SAV1: variants seen among roughly 807,000 people sequenced by gnomAD.
The protein encoded by SAV1 is protein salvador homolog 1.
A neutral mutation model predicts 47.3 loss-of-function variants in SAV1; 23 were observed. That is an observed-to-expected ratio of 0.49 (90% CI 0.35 to 0.69). SAV1 has a LOEUF of 0.69. Among genes scored for constraint, SAV1 ranks in the 30% least tolerant of loss-of-function variants. The pLI, the probability that SAV1 is intolerant of heterozygous loss-of-function variation, is 0.01. For synonymous variants in SAV1, 155 were observed against 159.2 expected (o/e 0.97, Z 0.20); for missense variants, 448 against 457.4 (o/e 0.98, Z 0.19).
chr14:50,636,832 C>T (rs950168318), intron 4 of SAV1, among the ~76,000 whole-genome samples: 5 of 152,122 alleles, frequency 3.3e-5, no homozygotes, highest in Non-Finnish European at 2.9e-5. Flanking sequence ...ATTAGGGAAA[C>T]GCATGTTATA....
intron 2 of SAV1, among the ~76,000 whole-genome samples, chr14:50,656,173 T>C (rs1203016944): frequency 1.3e-5 from 2 of 152,216 alleles, no homozygotes; most frequent in East Asian, 3.8e-4. Context: ...CATGTACTCT[T>C]ACATTTAAAC....
At chr14:50,667,547 G>T (rs1233152537) in intron 1 of SAV1, 1 of 488,832 alleles carries the variant, frequency 2.0e-6, no homozygotes, top group Admixed American at 2.4e-5. Flanking sequence ...TACTCCTATA[G>T]CATTAGGTGA....
intron 3 of SAV1, among the ~76,000 whole-genome samples, chr14:50,643,479 G>A (rs779638322): frequency 6.6e-6 from 1 of 152,132 alleles, no homozygotes; most frequent in Non-Finnish European, 1.5e-5. Flanking sequence ...CTCACTACCA[G>A]AACAACATGG....
At chr14:50,661,083 G>C (rs2039856111) in intron 2 of SAV1, among the ~76,000 whole-genome samples, 1 of 152,108 alleles carries the variant, frequency 6.6e-6, no homozygotes, top group South Asian at 2.1e-4. Flanking sequence ...CCCACCAACA[G>C]TCTGTAACAG....
chr14:50,667,724 C>A (rs538719299), intron 1 of SAV1, 150 bp downstream of exon 1: 4 of 628,202 alleles, frequency 6.4e-6, no homozygotes, highest in Middle Eastern at 2.6e-4. Context: ...TCAACGAATA[C>A]CACTTCAGAC....
chr14:50,645,409 T>G (rs1229645876), intron 2 of SAV1, among the ~76,000 whole-genome samples: 1 of 152,142 alleles, frequency 6.6e-6, no homozygotes, highest in African/African-American at 2.4e-5. Context: ...TAGTCAAAAT[T>G]CAGTCAAAAC....
At chr14:50,657,911 T>C (rs1446282744) in intron 2 of SAV1, among the ~76,000 whole-genome samples, 3 of 152,238 alleles carry the variant, frequency 2.0e-5, no homozygotes, top group African/African-American at 7.2e-5. Flanking sequence ...ATTTATGAGA[T>C]CTACCATTAT....
At chr14:50,640,654 G>A (rs186523610) in intron 4 of SAV1, 96 bp downstream of exon 4, 2 of 1,089,676 alleles carry the variant, frequency 1.8e-6, no homozygotes, top group Admixed American at 2.7e-5. Flanking sequence ...ATTATTAAGA[G>A]TAAAATATGG....
intron 2 of SAV1, among the ~76,000 whole-genome samples, chr14:50,663,518 C>A (rs146413470): frequency 0.034 from 5,140 of 152,176 alleles, 280 homozygotes; most frequent in African/African-American, 0.12. Context: ...ACTGCATTTC[C>A]ACATGCCTAG....
Position 50,668,065 on chromosome 14 carries a change from C to G in SAV1, c.-98G>C, listed in dbSNP as rs779841279. Reference sequence around the variant, plus strand: ...CCGCCACCTCCGCCGGCGCCGCCGCCTCCTTCCCTCCCGAGCCGCCGCCTC... The same window carrying G: ...CCGCCACCTCCGCCGGCGCCGCCGCGTCCTTCCCTCCCGAGCCGCCGCCTC... On this transcript the variant is annotated 5_prime_UTR_variant, in exon 1 of 5. Coordinates refer to ENST00000324679, the MANE Select transcript of SAV1 (RefSeq NM_021818.4). 1.7e-5 allele frequency: 14 copies of G among 819,198 alleles called. No individual in the cohort carries two copies. The highest frequency in any genetic ancestry group is 2.3e-5 in the Non-Finnish European group (14 of 599,912). 50.7% of individuals were successfully genotyped at this position (819,198 alleles called of 1,614,324 possible).
rs772067484 is a variant in SAV1 at position 50,667,923 on chromosome 14, G to A, written c.45C>T (p.Ala15=). The change falls in exon 1 of 5, where the codon GCC becomes GCT. Residue 15 remains alanine, a synonymous_variant. Coordinates refer to ENST00000324679, the MANE Select transcript of SAV1 (RefSeq NM_021818.4). Reference sequence around the variant, plus strand: ...TCTTCACGTACTTCCCCTGCACCTCGGCCGGCTTGGACACTTCGTTTTTGG... The same window carrying A: ...TCTTCACGTACTTCCCCTGCACCTCAGCCGGCTTGGACACTTCGTTTTTGG... The part of the protein sequence containing the change: ...KKTKNEVSKP[A]EVQGKYVKKE... 4 of 1,612,800 alleles carry A rather than the reference G, an allele frequency of 2.5e-6. No homozygotes were observed. In the African/African-American group the frequency reaches 5.3e-5, roughly 22 times the overall value.
intron 3 of SAV1, among the ~76,000 whole-genome samples, chr14:50,641,561 A>C (rs1484386341): frequency 6.6e-6 from 1 of 152,204 alleles, no homozygotes; most frequent in Non-Finnish European, 1.5e-5. Context: ...GCACCTTCAA[A>C]CATAAAGATT....
Position 50,644,792 on chromosome 14 carries a change from A to G in SAV1, c.758T>C (p.Val253Ala). Residue 253 changes from valine (V) to alanine (A), a missense_variant, in exon 3 of 5, where the codon GTA (valine) becomes GCA (alanine). Transcript: ENST00000324679. The part of the protein sequence containing the change: ...VESSEFGTYY[V>A]DHTNKKAQYR... ...TTGGGCCTTCTTATTTGTGTGATCT[A>G]CATAATAGGTTCCAAATTCGGATGA... 1 of 1,614,178 alleles carries G rather than the reference A, an allele frequency of 6.2e-7. No homozygotes were observed. Among genetic ancestry groups the G allele is most frequent in the Non-Finnish European group, 8.5e-7 (1 of 1,180,006 alleles).
intron 4 of SAV1, among the ~76,000 whole-genome samples, chr14:50,636,265 A>G (rs774882059): frequency 7.2e-5 from 11 of 152,186 alleles, no homozygotes; most frequent in Non-Finnish European, 1.2e-4. Flanking sequence ...ATAATGCACA[A>G]AAATGGATGG....
intron 2 of SAV1, among the ~76,000 whole-genome samples, chr14:50,648,633 C>A (rs1454597347): frequency 1.3e-5 from 2 of 151,986 alleles, no homozygotes; most frequent in Non-Finnish European, 2.9e-5. Context: ...CAAAAATTAG[C>A]TGGGCGTGGT....
rs2039614120 is a variant in SAV1, at chr14:50,634,345, TTTTTTTA to T, written c.*831_*837del. 1.4e-5 allele frequency: 4 copies of T among 283,874 alleles called. No individual in the cohort carries two copies. Among genetic ancestry groups the T allele is most frequent in the South Asian group, 9.6e-5 (3 of 31,264 alleles). The allele number at this position is 283,874 out of a possible 1,614,324, so 17.6% of individuals were successfully genotyped here. On this transcript the variant is annotated 3_prime_UTR_variant, in exon 5 of 5. Transcript: ENST00000324679. ...AAAAGGATTCCTTATTTTGTTTTTA[TTTTTTTA>T]TTTTTTATTTTTTGAGACAAGGTCT...
At chr14:50,635,425 C>A in intron 4 of SAV1, 41 bp from the exon 5 acceptor site, 1 of 1,427,482 alleles carries the variant, frequency 7.0e-7, no homozygotes, top group Admixed American at 1.8e-5. Context: ...ACAACACATA[C>A]ATAAACATGT....
intron 1 of SAV1, chr14:50,667,501 C>G: frequency 2.2e-6 from 1 of 463,632 alleles, no homozygotes; most frequent in South Asian, 1.5e-5. Flanking sequence ...CTCGACGCAT[C>G]TAAAAGAGTA....
chr14:50,642,890 A>C (rs957702035), intron 3 of SAV1, among the ~76,000 whole-genome samples: 1 of 152,256 alleles, frequency 6.6e-6, no homozygotes, highest in Non-Finnish European at 1.5e-5. Flanking sequence ...CTTTGAAGTC[A>C]GGTACGCCTG....
Sources: gnomAD v4.1 joint callset for allele counts (sites outside exome capture counted in the v4.1 genomes callset) on GRCh38, gnomAD v4.1.1 for gene constraint, MANE v1.5 for transcripts, NCBI Gene and HGNC (gene_info 2026-07-23, HGNC 2026-07-21) for gene names.